Variants in INO80D observed in about 807,000 individuals in gnomAD.
INO80D encodes the protein INO80 complex subunit D.
INO80D carries 21 observed loss-of-function variants against 87.6 expected under a neutral mutation model. That is an observed-to-expected ratio of 0.24 (90% CI 0.17 to 0.35). The LOEUF (loss-of-function observed/expected upper bound fraction) is 0.35, where lower values mean the gene tolerates loss of function less well. Among genes scored for constraint, INO80D ranks in the 10% least tolerant of loss-of-function variants. INO80D has a pLI of 1.00. For missense variants in INO80D, 982 were observed against 1,280.7 expected (o/e 0.77, Z 3.56); for synonymous variants, 440 against 491.0 (o/e 0.90, Z 1.37).
chr2:206,050,487 GT>G (rs1689324098), intron 4 of INO80D, among the ~76,000 whole-genome samples: 1 of 103,760 alleles, frequency 9.6e-6, no homozygotes, highest in South Asian at 3.9e-4. Flanking sequence ...GCAGGACTCC[GT>G]CTCAAAAGAA....
intron 6 of INO80D, among the ~76,000 whole-genome samples, chr2:206,021,569 T>C (rs1394502832): frequency 2.0e-5 from 3 of 152,238 alleles, no homozygotes; most frequent in Non-Finnish European, 4.4e-5. Flanking sequence ...GCTCAAATTC[T>C]CTTGGTCTAG....
At chr2:206,028,387 T>TAAATTTTGCACTCCTAACTGC in intron 5 of INO80D, 52 bp from the exon 6 acceptor site, 1 of 1,402,988 alleles carries the variant, frequency 7.1e-7, no homozygotes, top group South Asian at 1.3e-5. Context: ...TAGGCTCATT[T>TAAATTTTGCACTCCTAACTGC]TAGACAGGGT....
intron 3 of INO80D, among the ~76,000 whole-genome samples, chr2:206,059,057 T>A: frequency 7.0e-6 from 1 of 142,648 alleles, no homozygotes; most frequent in African/African-American, 2.6e-5. Context: ...AGACCCTGTC[T>A]CAGTTAAAAA....
chr2:206,007,877 T>A (rs1209370), intron 9 of INO80D: 49,537 of 152,462 alleles, frequency 0.32, 8,741 homozygotes, highest in South Asian at 0.58. Context: ...TTAGGTTTTT[T>A]ATTTAAAGGT....
At chr2:206,008,479 C>T (rs1394253309) in intron 9 of INO80D, among the ~76,000 whole-genome samples, 3 of 151,472 alleles carry the variant, frequency 2.0e-5, no homozygotes, top group Admixed American at 6.6e-5. Flanking sequence ...TAGGGTTTCA[C>T]CATCTTGGCC....
chr2:206,011,306 C>T (rs1293241766), intron 8 of INO80D, among the ~76,000 whole-genome samples: 1 of 152,166 alleles, frequency 6.6e-6, no homozygotes, highest in Admixed American at 6.5e-5. Flanking sequence ...TAAGTCCTAT[C>T]TGTAAGGCTC....
chr2:206,068,575 T>C (rs915576713), intron 1 of INO80D, among the ~76,000 whole-genome samples: 5 of 152,208 alleles, frequency 3.3e-5, no homozygotes, highest in Non-Finnish European at 7.3e-5. Flanking sequence ...CTGCAACAGA[T>C]ACTATATGGC....
chr2:206,022,505 C>A (rs1374299269), intron 6 of INO80D, among the ~76,000 whole-genome samples: 1 of 152,122 alleles, frequency 6.6e-6, no homozygotes, highest in Non-Finnish European at 1.5e-5. Context: ...AAATCTACTA[C>A]AGGATTCCCT....
chr2:206,051,442 T>C lies in INO80D; in HGVS notation c.964+4756A>G, dbSNP rs200261044. Among the ~76,000 whole-genome samples, 7 of 151,970 alleles carry C rather than the reference T, an allele frequency of 4.6e-5. No homozygotes were observed. In the East Asian group the frequency reaches 1.4e-3, roughly 29 times the overall value. On this transcript the variant is annotated intron_variant, in intron 4 of 10. Coordinates refer to ENST00000403263, the MANE Select transcript of INO80D (RefSeq NM_017759.5). ...GGGAGAGACTTTCCAACAAATATAA[T>C]ATACATATAAAAAGCTCTTACCAAT...
chr2:206,006,230 C>T (rs911434896), intron 10 of INO80D, among the ~76,000 whole-genome samples: 2 of 152,124 alleles, frequency 1.3e-5, no homozygotes, highest in East Asian at 1.9e-4. Context: ...TGGAAATATT[C>T]GATTTTTAAT....
chr2:206,019,769 T>C lies in INO80D; in HGVS notation c.1375A>G (p.Lys459Glu). The change falls in exon 7 of 11, where the codon AAA (lysine) becomes GAA (glutamate). Residue 459 changes from lysine (K) to glutamate (E), a missense_variant. Coordinates refer to ENST00000403263, the MANE Select transcript of INO80D (RefSeq NM_017759.5). ...GTVKGEQCAN[K>E]ALPFTRHCFQ... ...CAATGTCTGGTGAATGGAAGGGCTT[T>C]GTTAGCGCACTGTTCACCCTTCACG... The C allele has an allele frequency of 6.2e-7, 1 of 1,613,834 alleles. No homozygotes were observed.
In INO80D at chr2:205,994,465, G is replaced by A. The variant is rs1329990631; in HGVS notation, c.*9903C>T. The A allele has an allele frequency of 6.6e-6, 1 of 152,124 alleles. No homozygotes were observed. The highest frequency in any genetic ancestry group is 1.5e-5 in the Non-Finnish European group (1 of 68,038). The allele number at this position is 152,124 out of a possible 1,614,324, so 9.4% of individuals were successfully genotyped here. ...GTTTCAAATAAGCTACCTCACCTTTGATTTCCCACTGCAACTTGGTTTCAA... is the reference window on the plus strand; with the variant it reads ...GTTTCAAATAAGCTACCTCACCTTTAATTTCCCACTGCAACTTGGTTTCAA... On this transcript the variant is annotated 3_prime_UTR_variant, in exon 11 of 11. Coordinates refer to ENST00000403263, the MANE Select transcript of INO80D (RefSeq NM_017759.5).
intron 6 of INO80D, among the ~76,000 whole-genome samples, chr2:206,027,138 ACACGCACG>A (rs1296862357): frequency 3.0e-5 from 4 of 135,326 alleles, no homozygotes; most frequent in Non-Finnish European, 6.3e-5. Flanking sequence ...GAAAATTTAC[ACACGCACG>A]CGCGCACGCG....
At chr2:206,027,244 A>G (rs980639324) in intron 6 of INO80D, among the ~76,000 whole-genome samples, 6 of 152,218 alleles carry the variant, frequency 3.9e-5, no homozygotes, top group African/African-American at 1.4e-4. Flanking sequence ...CATGAATGGT[A>G]ACAAGAAGAT....
rs75444615 is a variant in INO80D at position 206,028,318 on chromosome 2, G to T, written c.1091C>A (p.Ala364Glu). Residue 364 changes from alanine (A) to glutamate (E), a missense_variant, in exon 6 of 11, where the codon GCG (alanine) becomes GAG (glutamate). Coordinates refer to ENST00000403263, the MANE Select transcript of INO80D (RefSeq NM_017759.5). ...YQRHASDDDD[A>E]ESRSSRVTQL... is the part of the protein sequence containing the mutation. ...AGTCACCCTGGAGCTCCTACTCTCC[G>T]CATCATCATCATCTGACCTGGAAAG... 6.3e-6 allele frequency: 10 copies of T among 1,598,700 alleles called. No individual in the cohort carries two copies. In the East Asian group the frequency reaches 9.0e-5, roughly 14 times the overall value.
intron 8 of INO80D, among the ~76,000 whole-genome samples, chr2:206,014,496 C>T (rs1688266868): frequency 6.6e-6 from 1 of 152,144 alleles, no homozygotes; most frequent in Non-Finnish European, 1.5e-5. Context: ...GATCTGATGG[C>T]TTTAAAAATG....
chr2:206,008,146 T>C (rs377725843), intron 9 of INO80D, among the ~76,000 whole-genome samples: 1 of 151,922 alleles, frequency 6.6e-6, no homozygotes, highest in African/African-American at 2.4e-5. Flanking sequence ...TATGCCAAGC[T>C]AATTTTTGTT....
chr2:206,013,281 C>T (rs988070533), intron 8 of INO80D, among the ~76,000 whole-genome samples: 9 of 151,994 alleles, frequency 5.9e-5, no homozygotes, highest in Non-Finnish European at 8.8e-5. Flanking sequence ...AGGCCAGGCG[C>T]GGTGGCTTAC....
In INO80D at chr2:205,998,450, C is replaced by CAAA. The variant is rs143392413; in HGVS notation, c.*5915_*5917dup. The CAAA allele has an allele frequency of 7.3e-5, 6 of 82,416 alleles. No individual in the cohort carries two copies. Among genetic ancestry groups the CAAA allele is most frequent in the African/African-American group, 2.0e-4 (4 of 19,702 alleles). The allele number at this position is 82,416 out of a possible 1,614,324, so 5.1% of individuals were successfully genotyped here. A position where few individuals can be genotyped will look rare whatever the true frequency, so the allele number is the denominator to read the frequency against. Reference sequence around the variant, plus strand: ...AAGGTGCTTCACTAGTTTGTTTTGTCAAAAAAAAAAAAAAAAAAAAAAGCT... The same window carrying CAAA: ...AAGGTGCTTCACTAGTTTGTTTTGTCAAAAAAAAAAAAAAAAAAAAAAAAAGCT... On this transcript the variant is annotated 3_prime_UTR_variant, in exon 11 of 11. Coordinates refer to ENST00000403263, the MANE Select transcript of INO80D (RefSeq NM_017759.5).
Sources: gnomAD v4.1 joint callset for allele counts (sites outside exome capture counted in the v4.1 genomes callset) on GRCh38, gnomAD v4.1.1 for gene constraint, MANE v1.5 for transcripts, NCBI Gene and HGNC (gene_info 2026-07-23, HGNC 2026-07-21) for gene names.